Variants in KIF4A observed in about 807,000 individuals in gnomAD.
The protein encoded by KIF4A is chromosome-associated kinesin KIF4A.
Under a neutral mutation model 105.9 loss-of-function variants are expected in KIF4A, and 7 were observed. That is an observed-to-expected ratio of 0.07 (90% CI 0.04 to 0.12). The LOEUF is 0.12. Ranked by LOEUF, KIF4A falls within the 10% of genes least tolerant of loss-of-function variation. The probability of loss-of-function intolerance (pLI) is 1.00; values close to 1 mark genes in which losing one functional copy is unlikely to be tolerated. For missense variants in KIF4A, 558 were observed against 929.2 expected, an observed-to-expected ratio of 0.60 and a Z score of 5.19; for synonymous variants, 281 against 331.3, an observed-to-expected ratio of 0.85 and a Z score of 1.65.
chrX:70,329,969 G>T (rs1310395808), intron 8 of KIF4A, among the ~76,000 whole-genome samples, 188 bp from the exon 9 acceptor site: 1 of 111,337 alleles, frequency 9.0e-6, no homozygotes. Context: ...CATGCAATAG[G>T]ATTTAAATGT....
chrX:70,293,681 G>T (rs1401662058), intron 3 of KIF4A, among the ~76,000 whole-genome samples: 2 of 112,067 alleles, frequency 1.8e-5, no homozygotes, highest in Non-Finnish European at 3.8e-5. Flanking sequence ...AATACTGTAG[G>T]CGGTTGTAAC....
In KIF4A at chrX:70,419,644, G is replaced by A. The variant is rs1369227726; in HGVS notation, c.3373-17G>A. ...TGGCAGCCAAATTTATAATATGCCT[G>A]TCTGCTTGATTTTCAGGATAGCTTG... On this transcript the variant is annotated splice_polypyrimidine_tract_variant and intron_variant, in intron 29 of 30. Transcript: ENST00000374403. The A allele has an allele frequency of 8.3e-7, 1 of 1,207,171 alleles. No homozygotes were observed. Among genetic ancestry groups the A allele is most frequent in the African/African-American group, 1.8e-5 (1 of 56,847 alleles).
At chrX:70,347,974 C>CAAAAAAAAAAAAAAAAAAAAAAAAA (rs61178799) in intron 13 of KIF4A, among the ~76,000 whole-genome samples, 2 of 23,157 alleles carry the variant, frequency 8.6e-5, no homozygotes, top group African/African-American at 5.0e-4. Flanking sequence ...GACTCCGTCT[C>CAAAAAAAAAAAAAAAAAAAAAAAAA]AAAAAAAAAA....
chrX:70,339,838 T>C (rs1423203421), intron 10 of KIF4A, among the ~76,000 whole-genome samples: 1 of 112,145 alleles, frequency 8.9e-6, no homozygotes, highest in Non-Finnish European at 1.9e-5. Context: ...GTGAAAACAT[T>C]GGTTTTCTGT....
chrX:70,384,204 G>A (rs974753709), intron 18 of KIF4A, among the ~76,000 whole-genome samples: 2 of 111,912 alleles, frequency 1.8e-5, no homozygotes, highest in African/African-American at 6.5e-5. Context: ...CTAGAACAGT[G>A]GCTGGCAAGT....
At chrX:70,310,347 G>GTGCC (rs2085844788) in intron 7 of KIF4A, among the ~76,000 whole-genome samples, 1 of 105,851 alleles carries the variant, frequency 9.4e-6, no homozygotes, top group Non-Finnish European at 1.9e-5. Context: ...GTGTGTGTGT[G>GTGCC]TGCCTGGATT....
intron 22 of KIF4A, among the ~76,000 whole-genome samples, chrX:70,398,475 A>G (rs1028833503): frequency 8.9e-6 from 1 of 112,087 alleles, no homozygotes; most frequent in African/African-American, 3.2e-5. Flanking sequence ...TTTTTTTAGA[A>G]CTGATGAGAC....
chrX:70,342,284 C>G (rs2085975482), intron 11 of KIF4A, among the ~76,000 whole-genome samples: 1 of 112,281 alleles, frequency 8.9e-6, no homozygotes, highest in Non-Finnish European at 1.9e-5. Context: ...CATTCCTTCT[C>G]CAAGATTTTA....
chrX:70,342,495 C>T (rs1231668921), intron 11 of KIF4A, among the ~76,000 whole-genome samples: 1 of 112,355 alleles, frequency 8.9e-6, no homozygotes, highest in Admixed American at 9.4e-5. Context: ...CCTCCTGGAT[C>T]AGTGCATGCT....
rs905584258 is a variant in KIF4A at position 70,404,915 on chromosome X, T to C, written c.2898+93T>C. Reference sequence around the variant, plus strand: ...CCCTTGTACTTGCAGCAGAGAGTAATTAACTACTGGAAAAAGTATTTATAA... The same window carrying C: ...CCCTTGTACTTGCAGCAGAGAGTAACTAACTACTGGAAAAAGTATTTATAA... On this transcript the variant is annotated intron_variant, in intron 25 of 30. Coordinates refer to ENST00000374403, the MANE Select transcript of KIF4A (RefSeq NM_012310.5). 12 of 553,054 alleles carry C rather than the reference T, an allele frequency of 2.2e-5. No individual in the cohort carries two copies. In the African/African-American group the frequency reaches 2.5e-4, roughly 12 times the overall value. 45.6% of individuals were successfully genotyped at this position (553,054 alleles called of 1,213,427 possible).
At chrX:70,409,929 C>T (rs1004603066) in intron 28 of KIF4A, among the ~76,000 whole-genome samples, 11 of 111,409 alleles carry the variant, frequency 9.9e-5, no homozygotes, top group Admixed American at 4.8e-4. Flanking sequence ...AGCACTGTTG[C>T]TCTAAGCTTA....
intron 15 of KIF4A, among the ~76,000 whole-genome samples, chrX:70,363,873 C>T (rs1173283003): frequency 1.8e-5 from 2 of 111,788 alleles, no homozygotes. Context: ...GTAAAAGTGT[C>T]CCTATTTCTC....
At chrX:70,355,006 A>T (rs1449871289) in intron 15 of KIF4A, among the ~76,000 whole-genome samples, 2 of 111,202 alleles carry the variant, frequency 1.8e-5, no homozygotes, top group African/African-American at 6.5e-5. Context: ...TGGAGTTAGG[A>T]TTCTTTCCAT....
chrX:70,382,394 G>A (rs776934021), intron 18 of KIF4A, among the ~76,000 whole-genome samples: 1 of 112,362 alleles, frequency 8.9e-6, no homozygotes, highest in African/African-American at 3.2e-5. Flanking sequence ...TCACGCCCCT[G>A]CACTCCAGCC....
intron 7 of KIF4A, among the ~76,000 whole-genome samples, chrX:70,313,290 C>G (rs1167823827): frequency 8.9e-6 from 1 of 111,970 alleles, no homozygotes; most frequent in Non-Finnish European, 1.9e-5. Context: ...TTTGTTAGCC[C>G]TTACCTGGTA....
At chrX:70,292,731 C>T (rs2085765866) in intron 3 of KIF4A, among the ~76,000 whole-genome samples, 1 of 111,976 alleles carries the variant, frequency 8.9e-6, no homozygotes, top group South Asian at 3.7e-4. Context: ...AAACAATATG[C>T]TTTTCAGACC....
chrX:70,354,459 G>A (rs925600714), intron 15 of KIF4A, among the ~76,000 whole-genome samples: 1 of 112,312 alleles, frequency 8.9e-6, no homozygotes, highest in Non-Finnish European at 1.9e-5. Flanking sequence ...TTATATTGAG[G>A]AACAGCTCTA....
At chrX:70,364,334 G>C (rs1602775621) in intron 15 of KIF4A, among the ~76,000 whole-genome samples, 3 of 110,510 alleles carry the variant, frequency 2.7e-5, no homozygotes, top group Admixed American at 1.9e-4. Context: ...GTCCTGAATG[G>C]TATTGCCTAG....
intron 28 of KIF4A, among the ~76,000 whole-genome samples, chrX:70,416,853 G>A (rs1002594338): frequency 1.8e-5 from 2 of 112,798 alleles, no homozygotes; most frequent in Non-Finnish European, 3.7e-5. Flanking sequence ...GACAAGTTAT[G>A]AGATTCAAAT....
Sources: allele counts gnomAD v4.1 joint callset (sites outside exome capture counted in the v4.1 genomes callset), GRCh38; gene constraint gnomAD v4.1.1; transcripts MANE v1.5; gene names NCBI Gene and HGNC (gene_info 2026-07-23, HGNC 2026-07-21).